ANK3: variants seen among roughly 807,000 people sequenced by gnomAD.
ANK3 encodes ankyrin 3, also known as ankyrin-3.
ANK3 carries 57 observed loss-of-function variants against 370.9 expected under a neutral mutation model. The observed-to-expected ratio is 0.15, with a 90% CI of 0.12 to 0.19. ANK3 has a LOEUF of 0.19. Among genes scored for constraint, ANK3 ranks in the 10% least tolerant of loss-of-function variants. The pLI, the probability that ANK3 is intolerant of heterozygous loss-of-function variation, is 1.00. For synonymous variants in ANK3, 1,929 were observed against 1,946.3 expected (o/e 0.99, Z 0.23); for missense variants, 4,439 against 5,302.1 (o/e 0.84, Z 5.06).
chr10:60,718,367 C>T (rs74157809), intron 1 of ANK3, among the ~76,000 whole-genome samples: 2,213 of 151,974 alleles, frequency 0.015, 52 homozygotes, highest in African/African-American at 0.05. Flanking sequence ...ACTTTACAGG[C>T]AAAGTAATAA....
At chr10:60,432,883 T>C (rs1228594612) in intron 2 of ANK3, among the ~76,000 whole-genome samples, 5 of 152,162 alleles carry the variant, frequency 3.3e-5, no homozygotes, top group African/African-American at 1.2e-4. Context: ...AATATCTTCA[T>C]GAACAAGTTG....
At chr10:60,038,688 G>GGT (rs147947460) in intron 43 of ANK3, among the ~76,000 whole-genome samples, 15,781 of 151,666 alleles carry the variant, frequency 0.1, 914 homozygotes, top group African/African-American at 0.15. Flanking sequence ...TCTGAATGAT[G>GGT]GTGTGTGTGT....
At chr10:60,227,048 T>C (rs2097175016) in intron 8 of ANK3, among the ~76,000 whole-genome samples, 1 of 151,922 alleles carries the variant, frequency 6.6e-6, no homozygotes, top group African/African-American at 2.4e-5. Context: ...TTCCCTTAGA[T>C]GGAAGAAATT....
chr10:60,076,956 C>T (rs1057130361), intron 36 of ANK3, among the ~76,000 whole-genome samples: 3 of 152,154 alleles, frequency 2.0e-5, no homozygotes, highest in African/African-American at 7.2e-5. Context: ...ATACAGATTG[C>T]ACCTACTTAG....
At chr10:60,683,378 GA>G (rs2079222789) in intron 1 of ANK3, among the ~76,000 whole-genome samples, 1 of 152,140 alleles carries the variant, frequency 6.6e-6, no homozygotes, top group Non-Finnish European at 1.5e-5. Flanking sequence ...GGAAGAAACA[GA>G]ATAGTAAAAT....
intron 2 of ANK3, among the ~76,000 whole-genome samples, chr10:60,552,813 G>A (rs545810300): frequency 2.0e-5 from 3 of 152,224 alleles, no homozygotes; most frequent in South Asian, 2.1e-4. Flanking sequence ...GGACGGACCC[G>A]GTGGCAGATG....
intron 2 of ANK3, among the ~76,000 whole-genome samples, chr10:60,556,949 C>T (rs1365707706): frequency 6.6e-6 from 1 of 152,182 alleles, no homozygotes; most frequent in Non-Finnish European, 1.5e-5. Context: ...GTGAACTGTG[C>T]AAGCGAGGGC....
chr10:60,559,509 G>C (rs1183235593), intron 2 of ANK3, among the ~76,000 whole-genome samples: 1 of 152,056 alleles, frequency 6.6e-6, no homozygotes, highest in African/African-American at 2.4e-5. Context: ...GACATATACT[G>C]TTTCTAATCC....
At chr10:60,174,155 A>G (rs1235800764) in intron 18 of ANK3, among the ~76,000 whole-genome samples, 9 of 152,154 alleles carry the variant, frequency 5.9e-5, no homozygotes, top group Non-Finnish European at 1.0e-4. Flanking sequence ...CAGCAAATGA[A>G]TACATTTGAA....
intron 2 of ANK3, among the ~76,000 whole-genome samples, chr10:60,465,891 C>G (rs1252800790): frequency 6.8e-6 from 1 of 146,042 alleles, no homozygotes; most frequent in Non-Finnish European, 1.5e-5. Context: ...CTTTTTCTGG[C>G]TATAGTAGAA....
intron 1 of ANK3, among the ~76,000 whole-genome samples, chr10:60,726,075 T>G (rs951227990): frequency 2.0e-5 from 3 of 152,222 alleles, no homozygotes. Flanking sequence ...TGTAATTACT[T>G]CAACGATGAT....
At chr10:60,568,591 C>T (rs941648540) in intron 2 of ANK3, among the ~76,000 whole-genome samples, 6 of 152,156 alleles carry the variant, frequency 3.9e-5, no homozygotes, top group African/African-American at 1.2e-4. Flanking sequence ...ATTGAAGGCT[C>T]TCCCCTATGT....
Position 60,208,337 on chromosome 10 carries a change from A to G in ANK3, c.997-104T>C, listed in dbSNP as rs545134265. ...ACAGATAAAAACTCCAGTTCTTCACATGAAAATACCTTCTATTTGTAAAAG... is the reference window on the plus strand; with the variant it reads ...ACAGATAAAAACTCCAGTTCTTCACGTGAAAATACCTTCTATTTGTAAAAG... On this transcript the variant is annotated intron_variant, in intron 9 of 43. Transcript: ENST00000280772. The G allele has an allele frequency of 4.7e-4, 452 of 962,714 alleles. 1 individual carries two copies. The African/African-American group carries it at 6.8e-3, about 14-fold the overall frequency. The allele number at this position is 962,714 out of a possible 1,614,324, so 59.6% of individuals were successfully genotyped here. A position where few individuals can be genotyped will look rare whatever the true frequency, so the allele number is the denominator to read the frequency against.
chr10:60,575,337 T>TG (rs1287264556), intron 2 of ANK3, among the ~76,000 whole-genome samples: 1 of 141,572 alleles, frequency 7.1e-6, no homozygotes, highest in Non-Finnish European at 1.5e-5. Flanking sequence ...GCTGGTTGGA[T>TG]GGAAAAAAAA....
chr10:60,116,514 G>A (rs533224240), intron 25 of ANK3, among the ~76,000 whole-genome samples: 9 of 151,644 alleles, frequency 5.9e-5, no homozygotes, highest in African/African-American at 2.2e-4. Flanking sequence ...TTTTCAGGGA[G>A]AAGAAAACTT....
intron 2 of ANK3, among the ~76,000 whole-genome samples, chr10:60,591,343 A>ATTTT (rs1451530964): frequency 1.1e-5 from 1 of 93,686 alleles, no homozygotes; most frequent in Non-Finnish European, 2.5e-5. Flanking sequence ...TTATTTATTT[A>ATTTT]TTTATTTTTG....
intron 28 of ANK3, among the ~76,000 whole-genome samples, chr10:60,102,961 T>A (rs1456456327): frequency 2.0e-5 from 3 of 152,102 alleles, no homozygotes; most frequent in African/African-American, 7.2e-5. Flanking sequence ...ACAATTTATT[T>A]TTTTTTTTCT....
chr10:60,566,714 A>T (rs2077472038), intron 2 of ANK3, among the ~76,000 whole-genome samples: 1 of 152,192 alleles, frequency 6.6e-6, no homozygotes, highest in Non-Finnish European at 1.5e-5. Flanking sequence ...CTCCACACAC[A>T]AAAATAAAAA....
At chr10:60,461,799 C>T (rs1426398532) in intron 2 of ANK3, among the ~76,000 whole-genome samples, 1 of 152,168 alleles carries the variant, frequency 6.6e-6, no homozygotes, top group Non-Finnish European at 1.5e-5. Flanking sequence ...ACACATTTCA[C>T]CCCTGACAGA....
Sources: gnomAD v4.1 joint callset for allele counts (sites outside exome capture counted in the v4.1 genomes callset) on GRCh38, gnomAD v4.1.1 for gene constraint, MANE v1.5 for transcripts, NCBI Gene and HGNC (gene_info 2026-07-23, HGNC 2026-07-21) for gene names.